The following THRA variants were observed in gnomAD, a reference collection of about 807,000 sequenced individuals.
THRA encodes EAR-7.
In THRA, 13 loss-of-function variants were observed where a neutral mutation model predicts 45.0. The ratio of observed to expected loss-of-function variants is 0.29; its 90% CI spans 0.19 to 0.46. The LOEUF (loss-of-function observed/expected upper bound fraction) is 0.46, where lower values mean the gene tolerates loss of function less well. Among genes scored for constraint, THRA ranks in the 20% least tolerant of loss-of-function variants. The pLI, the probability that THRA is intolerant of heterozygous loss-of-function variation, is 1.00. For missense variants in THRA, 278 were observed against 556.1 expected, an observed-to-expected ratio of 0.50 and a Z score of 5.03; for synonymous variants, 195 against 214.0, an observed-to-expected ratio of 0.91 and a Z score of 0.78.
In THRA at chr17:40,074,172, CCT is replaced by C; in HGVS notation, c.-297-13_-297-12del. 2.8e-6 allele frequency: 1 copy of C among 358,792 alleles called. No individual in the cohort carries two copies. Among genetic ancestry groups the C allele is most frequent in the South Asian group, 3.0e-5 (1 of 33,326 alleles). 22.2% of individuals were successfully genotyped at this position (358,792 alleles called of 1,614,324 possible). A position where few individuals can be genotyped will look rare whatever the true frequency, so the allele number is the denominator to read the frequency against. On this transcript the variant is annotated intron_variant, in intron 1 of 8. Transcript: ENST00000450525. ...CTACCGTGACACCTTCTTACCCCTG[CCT>C]CTCTCTTCTCTCCACAGGGATCTCT... is the stretch of plus-strand genomic sequence containing the variant.
chr17:40,089,227 T>C lies in THRA; in HGVS notation c.1004T>C (p.Val335Ala). ...MSTDRSGLLCVDKIEKSQEAY... is the reference protein window; with the variant it reads ...MSTDRSGLLCADKIEKSQEAY... ...ACAGACCGCTCGGGCCTGCTGTGTG[T>C]GGACAAGATCGAGAAGAGTCAGGAG... Residue 335 changes from valine (V) to alanine (A), a missense_variant, in exon 9 of 9, where the codon GTG (valine) becomes GCG (alanine). By Grantham distance (64) the Val-to-Ala change is moderately conservative. Around this residue, in one of 6 missense-constraint regions of THRA, gnomAD observed 66 missense variants for 94.7 expected, o/e 0.70. Coordinates refer to ENST00000450525, the MANE Select transcript of THRA (RefSeq NM_199334.5). This position sits in a 1 kb window ranked among gnomAD's most constrained non-coding sequence, Gnocchi z 6.1. 6.2e-7 allele frequency: 1 copy of C among 1,613,828 alleles called. No homozygotes were observed. Among genetic ancestry groups the C allele is most frequent in the African/African-American group, 1.3e-5 (1 of 74,934 alleles).
intron 1 of THRA, among the ~76,000 whole-genome samples, chr17:40,070,212 C>T (rs1031859632): frequency 4.6e-5 from 7 of 152,100 alleles, no homozygotes; most frequent in Admixed American, 2.0e-4. Flanking sequence ...CCCCTCCTCC[C>T]GTCTCCCCCA....
intron 4 of THRA, among the ~76,000 whole-genome samples, chr17:40,080,212 C>T (rs1987090051): frequency 6.6e-6 from 1 of 152,084 alleles, no homozygotes; most frequent in Admixed American, 6.5e-5. Flanking sequence ...ACAGCCTGGG[C>T]AACATAGTGA....
At chr17:40,078,097 C>T (rs926373713) in intron 4 of THRA, among the ~76,000 whole-genome samples, 1 of 152,240 alleles carries the variant, frequency 6.6e-6, no homozygotes, top group African/African-American at 2.4e-5. Flanking sequence ...TCAGTTTCTT[C>T]ATCTATAAAA....
In THRA at chr17:40,082,833, C is replaced by G. The variant is rs151183520; in HGVS notation, c.223-1002C>G. Reference sequence around the variant, plus strand: ...CCAGGCTGGAATGCAGTGGCGCGATCTTGGCTCACTGCAACCTCTGTGTCC... The same window carrying G: ...CCAGGCTGGAATGCAGTGGCGCGATGTTGGCTCACTGCAACCTCTGTGTCC... On this transcript the variant is annotated intron_variant, in intron 4 of 8. Transcript: ENST00000450525. Among the ~76,000 whole-genome samples the G allele has an allele frequency of 3.8e-3, 473 of 124,294 alleles. 2 individuals are homozygous for G. The highest frequency in any genetic ancestry group is 0.025 in the Admixed American group (248 of 9,916). The allele number at this position is 124,294 out of a possible 152,430, so 81.5% of individuals were successfully genotyped here.
chr17:40,090,743 CACTT>C lies in THRA; in HGVS notation c.*1289_*1292del, dbSNP rs1371178851. On this transcript the variant is annotated 3_prime_UTR_variant, in exon 9 of 9. Coordinates refer to ENST00000450525, the MANE Select transcript of THRA (RefSeq NM_199334.5). Reference sequence around the variant, plus strand: ...AGAATGGGGGTGTTTAGATAAGTGACACTTAGTTGGGGCCCCAGGGGAGGGGTGG... The same window carrying C: ...AGAATGGGGGTGTTTAGATAAGTGACAGTTGGGGCCCCAGGGGAGGGGTGG... The C allele has an allele frequency of 2.6e-5, 4 of 152,318 alleles. No homozygotes were observed. The highest frequency in any genetic ancestry group is 4.8e-5 in the African/African-American group (2 of 41,432). 9.4% of individuals were successfully genotyped at this position (152,318 alleles called of 1,614,324 possible).
At chr17:40,085,288 G>A (rs1297034746) in intron 6 of THRA, among the ~76,000 whole-genome samples, 1 of 152,050 alleles carries the variant, frequency 6.6e-6, no homozygotes, top group Non-Finnish European at 1.5e-5. Context: ...CTTGAGCCCA[G>A]GAGTTTGAGA....
chr17:40,082,207 CTTTTTTTTTTTT>C (rs770974952), intron 4 of THRA, among the ~76,000 whole-genome samples: 6 of 78,784 alleles, frequency 7.6e-5, no homozygotes, highest in African/African-American at 2.5e-4. Flanking sequence ...CTTGGATTTC[CTTTTTTTTTTTT>C]TTTTTTTTTT....
At chr17:40,071,893 T>A (rs1986790044) in intron 1 of THRA, among the ~76,000 whole-genome samples, 1 of 152,148 alleles carries the variant, frequency 6.6e-6, no homozygotes, top group Non-Finnish European at 1.5e-5. Context: ...GGTTCCAGCC[T>A]CTTTCTGGGT....
chr17:40,093,865 G>T, downstream of THRA: 1 of 1,572,832 alleles, frequency 6.4e-7, no homozygotes, highest in South Asian at 1.1e-5. The surrounding 1 kb of genome is among the most constrained non-coding windows in gnomAD (Gnocchi z 5.9). Flanking sequence ...GTGTTGAATT[G>T]AACTGCGTCT....
At chr17:40,085,474 C>T (rs2145078496) in intron 6 of THRA, among the ~76,000 whole-genome samples, 1 of 151,830 alleles carries the variant, frequency 6.6e-6, no homozygotes, top group East Asian at 1.9e-4. Flanking sequence ...GTTGGGATTA[C>T]AGGCACTGGC....
chr17:40,066,405 C>T (rs1487815744), intron 1 of THRA, among the ~76,000 whole-genome samples: 5 of 152,008 alleles, frequency 3.3e-5, no homozygotes, highest in African/African-American at 9.7e-5. Flanking sequence ...GGCTCACACC[C>T]GTAATCCTAG....
At chr17:40,087,000 A>G in intron 7 of THRA, 147 bp downstream of exon 7, 1 of 1,054,478 alleles carries the variant, frequency 9.5e-7, no homozygotes, top group Non-Finnish European at 1.4e-6. Flanking sequence ...ACAGACACAC[A>G]CACACACATG....
At position 40,090,089 on chromosome 17, in the gene THRA, A is replaced by G; in HGVS notation, c.*633A>G. 6 of 962,378 alleles carry G rather than the reference A, an allele frequency of 6.2e-6. No homozygotes were observed. Among genetic ancestry groups the G allele is most frequent in the Non-Finnish European group, 7.4e-6 (6 of 808,658 alleles). The allele number at this position is 962,378 out of a possible 1,614,324, so 59.6% of individuals were successfully genotyped here. On this transcript the variant is annotated 3_prime_UTR_variant, in exon 9 of 9. Transcript: ENST00000450525. ...CGATAGAGAGAGATGATATTAAGTT[A>G]TTAACTGAGGCTGACCAGAGGGGAG...
Position 40,079,269 on chromosome 17 carries a change from T to TG in THRA, c.222+1663dup, listed in dbSNP as rs1307784226. 2.6e-5 allele frequency among the ~76,000 whole-genome samples: 4 copies of TG among 151,864 alleles called. No homozygotes were observed. In the East Asian group the frequency reaches 7.8e-4, roughly 29 times the overall value. ...TTGTTTTGTTTTGTTTTTTTTGAGA[T>TG]GGAGTCTCGCTCTGTTGCCCAGCCT... On this transcript the variant is annotated intron_variant, in intron 4 of 8. Coordinates refer to ENST00000450525, the MANE Select transcript of THRA (RefSeq NM_199334.5).
chr17:40,071,740 C>G (rs555743276), intron 1 of THRA, among the ~76,000 whole-genome samples: 8 of 152,310 alleles, frequency 5.3e-5, no homozygotes, highest in Admixed American at 2.0e-4. Context: ...CCCCATGCCC[C>G]TTACCCGCTG....
At position 40,077,551 on chromosome 17, in the gene THRA, G is replaced by T; in HGVS notation, c.165G>T (p.Val55=). 2 of 1,614,092 alleles carry T rather than the reference G, an allele frequency of 1.2e-6. No individual in the cohort carries two copies. Among genetic ancestry groups the T allele is most frequent in the Non-Finnish European group, 1.7e-6 (2 of 1,180,000 alleles). Residue 55 remains valine, a synonymous_variant, in exon 4 of 9, where the codon GTG becomes GTT. Coordinates refer to ENST00000450525, the MANE Select transcript of THRA (RefSeq NM_199334.5). ...TGGACAAAGACGAGCAGTGTGTCGTGTGTGGGGACAAGGCAACTGGTTATC... is the reference window on the plus strand; with the variant it reads ...TGGACAAAGACGAGCAGTGTGTCGTTTGTGGGGACAAGGCAACTGGTTATC... ...SYLDKDEQCV[V]CGDKATGYHY...
At chr17:40,084,397 A>G in intron 5 of THRA, 1 of 590,854 alleles carries the variant, frequency 1.7e-6, no homozygotes, top group South Asian at 2.0e-5. Flanking sequence ...CATGATATTC[A>G]TCTGGATCAG....
At chr17:40,081,012 G>A (rs566992018) in intron 4 of THRA, among the ~76,000 whole-genome samples, 36 of 151,638 alleles carry the variant, frequency 2.4e-4, no homozygotes, top group Non-Finnish European at 3.1e-4. Flanking sequence ...GTGAGCCACC[G>A]CACTCGGCTG....
Sources: allele counts gnomAD v4.1 joint callset (sites outside exome capture counted in the v4.1 genomes callset), GRCh38; gene constraint gnomAD v4.1.1; regional missense constraint gnomAD v4.1.1; non-coding constraint Gnocchi (gnomAD v3.1); transcripts MANE v1.5; gene names NCBI Gene and HGNC (gene_info 2026-07-23, HGNC 2026-07-21).